NBAS: variants seen among roughly 807,000 people sequenced by gnomAD.
NBAS encodes NAG/BC035112 fusion.
NBAS carries 219 observed loss-of-function variants against 302.5 expected under a neutral mutation model. That is an observed-to-expected ratio of 0.72 (90% confidence interval 0.65 to 0.81). NBAS has a LOEUF of 0.81. Ranked by LOEUF, NBAS falls within the 30% of genes least tolerant of loss-of-function variation. The pLI is 0.00. For synonymous variants in NBAS, 1,118 were observed against 1,021.6 expected (o/e 1.09, Z -1.80); for missense variants, 2,932 against 2,841.6 (o/e 1.03, Z -0.72).
chr2:15,141,680 A>ATTTTG, the NBAS span, among the ~76,000 whole-genome samples: 1 of 151,216 alleles, frequency 6.6e-6, no homozygotes. Context: ...AGCAAAATCA[A>ATTTTG]TTTTGTTTTG....
chr2:14,924,831 T>G, the NBAS span, among the ~76,000 whole-genome samples: 2 of 152,198 alleles, frequency 1.3e-5, no homozygotes, highest in African/African-American at 4.8e-5. Flanking sequence ...CAATTATTTC[T>G]GCAGGGAAAG....
the NBAS span, among the ~76,000 whole-genome samples, chr2:14,867,686 C>T: frequency 6.6e-6 from 1 of 152,130 alleles, no homozygotes; most frequent in Admixed American, 6.5e-5. Context: ...ATGAGAAAGA[C>T]ATTATTCTTC....
At chr2:15,353,462 C>T (rs1285297561) in intron 34 of NBAS, 91 bp downstream of exon 34, 28 of 1,476,702 alleles carry the variant, frequency 1.9e-5, no homozygotes, top group Non-Finnish European at 2.4e-5. Flanking sequence ...AATTCTCATA[C>T]TACTTTTTTA....
chr2:15,301,180 A>C (rs984891693), intron 40 of NBAS, among the ~76,000 whole-genome samples: 1 of 152,190 alleles, frequency 6.6e-6, no homozygotes, highest in Admixed American at 6.5e-5. Context: ...CTGGAAACAA[A>C]GCTTGAGCGG....
chr2:14,818,651 C>T, the NBAS span, among the ~76,000 whole-genome samples: 15 of 152,198 alleles, frequency 9.9e-5, no homozygotes, highest in South Asian at 4.1e-4. Flanking sequence ...GATTAATTTG[C>T]GACAGTCCTT....
the NBAS span, among the ~76,000 whole-genome samples, chr2:14,844,896 G>C: frequency 2.0e-5 from 3 of 152,180 alleles, no homozygotes; most frequent in Non-Finnish European, 4.4e-5. Context: ...AAAATAAAAT[G>C]CTAAGTAGAC....
the NBAS span, among the ~76,000 whole-genome samples, chr2:14,878,645 C>G: frequency 2.0e-5 from 3 of 152,154 alleles, no homozygotes; most frequent in Non-Finnish European, 4.4e-5. Flanking sequence ...TAAGTAGACT[C>G]TATTTTTAGA....
At chr2:15,327,066 T>A (rs1389325674) in intron 38 of NBAS, among the ~76,000 whole-genome samples, 1 of 82,542 alleles carries the variant, frequency 1.2e-5, no homozygotes, top group African/African-American at 4.8e-5. Flanking sequence ...AAGTAATAAG[T>A]AATAAAATAA....
the NBAS span, among the ~76,000 whole-genome samples, chr2:15,058,847 T>G: frequency 6.6e-6 from 1 of 152,214 alleles, no homozygotes; most frequent in Non-Finnish European, 1.5e-5. Flanking sequence ...TGTTGACTTG[T>G]GCACTACATG....
the NBAS span, among the ~76,000 whole-genome samples, chr2:15,054,028 C>CGAGATCATTGCTTT: frequency 6.6e-6 from 1 of 151,934 alleles, no homozygotes; most frequent in African/African-American, 2.4e-5. Flanking sequence ...CAAAACCAAT[C>CGAGATCATTGCTTT]GAGATCATTG....
the NBAS span, among the ~76,000 whole-genome samples, chr2:14,846,382 G>C: frequency 1.3e-5 from 2 of 150,414 alleles, no homozygotes; most frequent in Non-Finnish European, 2.9e-5. Context: ...ACAGACAAAA[G>C]CTGAGGGATT....
the NBAS span, among the ~76,000 whole-genome samples, chr2:14,997,158 G>A: frequency 6.6e-6 from 1 of 152,148 alleles, no homozygotes; most frequent in African/African-American, 2.4e-5. Context: ...CTTGAGGATG[G>A]AGGGAGAGGA....
At chr2:14,953,711 G>T in the NBAS span, among the ~76,000 whole-genome samples, 1 of 152,156 alleles carries the variant, frequency 6.6e-6, no homozygotes, top group Non-Finnish European at 1.5e-5. Context: ...ATTCCACAGG[G>T]GATGAGGAAA....
At chr2:15,387,450 T>C (rs1572763324) in intron 28 of NBAS, among the ~76,000 whole-genome samples, 1 of 152,344 alleles carries the variant, frequency 6.6e-6, no homozygotes, top group East Asian at 1.9e-4. Context: ...TTTCATTAGA[T>C]GTTCTACTTT....
the NBAS span, among the ~76,000 whole-genome samples, chr2:14,866,259 C>A: frequency 2.6e-5 from 4 of 152,112 alleles, no homozygotes; most frequent in African/African-American, 9.7e-5. Context: ...ACTAGCAATT[C>A]TGGGTGCTTT....
Position 15,330,686 on chromosome 2 carries a change from T to C in NBAS, c.4259A>G (p.Asn1420Ser), listed in dbSNP as rs752020394. Residue 1420 changes from asparagine (N) to serine (S), a missense_variant, in exon 36 of 52, where the codon AAC (asparagine) becomes AGC (serine). By Grantham distance (46) the Asn-to-Ser change is conservative (BLOSUM62 1). Transcript: ENST00000281513. Reference protein sequence around the residue: ...TTATTMKVLSNTTTTTKAVLQ... With the variant: ...TTATTMKVLSSTTTTTKAVLQ... ...CACCGCTTTGGTGGTGGTTGTGGTG[T>C]TGGAAAGGACTTTCATGGTGGTAGC... 6.2e-7 allele frequency: 1 copy of C among 1,614,054 alleles called. No individual in the cohort carries two copies. The highest frequency in any genetic ancestry group is 2.2e-5 in the East Asian group (1 of 44,878).
chr2:14,996,304 C>A, the NBAS span, among the ~76,000 whole-genome samples: 14 of 152,122 alleles, frequency 9.2e-5, no homozygotes, highest in African/African-American at 3.4e-4. Flanking sequence ...ATCCTGATGA[C>A]CCTCAGCTAA....
the NBAS span, among the ~76,000 whole-genome samples, chr2:14,879,377 A>G: frequency 1.3e-4 from 20 of 152,172 alleles, no homozygotes; most frequent in Non-Finnish European, 2.8e-4. Flanking sequence ...TATCAGAACA[A>G]TTTTCTAGCC....
the NBAS span, among the ~76,000 whole-genome samples, chr2:15,050,594 C>T: frequency 1.3e-5 from 2 of 152,214 alleles, no homozygotes; most frequent in Non-Finnish European, 2.9e-5. Flanking sequence ...GATACCACAG[C>T]AGACAGTGAT....
Sources: allele counts gnomAD v4.1 joint callset (sites outside exome capture counted in the v4.1 genomes callset), GRCh38; gene constraint gnomAD v4.1.1; transcripts MANE v1.5; gene names NCBI Gene and HGNC (gene_info 2026-07-23, HGNC 2026-07-21).